Variants in THEMIS observed in about 807,000 individuals in gnomAD.
THEMIS encodes the protein thymocyte selection associated, also known as protein THEMIS.
Under a neutral mutation model 52.6 loss-of-function variants are expected in THEMIS, and 37 were observed. The ratio of observed to expected loss-of-function variants is 0.70; its 90% CI spans 0.54 to 0.93. THEMIS has a LOEUF of 0.93. THEMIS is among the 40% of genes least tolerant of loss of function. The pLI, the probability that THEMIS is intolerant of heterozygous loss-of-function variation, is 0.00. For synonymous variants in THEMIS, 292 were observed against 272.7 expected, an observed-to-expected ratio of 1.07 and a Z score of -0.70; for missense variants, 808 against 763.1, an observed-to-expected ratio of 1.06 and a Z score of -0.69.
intron 4 of THEMIS, among the ~76,000 whole-genome samples, chr6:127,792,903 A>C (rs1490986255): frequency 6.6e-6 from 1 of 152,200 alleles, no homozygotes; most frequent in Non-Finnish European, 1.5e-5. Flanking sequence ...AAGCCTGGTC[A>C]TGATGTCAAA....
upstream of THEMIS, among the ~76,000 whole-genome samples, chr6:127,903,227 A>G (rs967681125): frequency 6.6e-6 from 1 of 152,032 alleles, no homozygotes; most frequent in Non-Finnish European, 1.5e-5. Context: ...ACTGCTTTAG[A>G]CCAGATCGTA....
intron 1 of THEMIS, among the ~76,000 whole-genome samples, chr6:127,916,850 A>G (rs927548829): frequency 1.3e-5 from 2 of 152,188 alleles, no homozygotes; most frequent in Non-Finnish European, 1.5e-5. Context: ...GAGTCAGAGG[A>G]CAAGCTATTA....
rs138983547 is a variant in THEMIS, at chr6:127,803,557, C to G, written c.1758+9326G>C. On this transcript the variant is annotated intron_variant, in intron 4 of 5. Coordinates refer to ENST00000368248, the MANE Select transcript of THEMIS (RefSeq NM_001010923.3). Reference sequence around the variant, plus strand: ...TCTCTGGATCTTATATTATCACCTACTCAATATGGTATTCAAATTAATAGT... The same window carrying G: ...TCTCTGGATCTTATATTATCACCTAGTCAATATGGTATTCAAATTAATAGT... 4.4e-3 allele frequency among the ~76,000 whole-genome samples: 667 copies of G among 152,256 alleles called. 6 individuals are homozygous for G. The highest frequency in any genetic ancestry group is 0.015 in the African/African-American group (634 of 41,560).
intron 1 of THEMIS, among the ~76,000 whole-genome samples, chr6:127,873,939 C>T (rs566375627): frequency 2.7e-4 from 41 of 152,310 alleles, no homozygotes; most frequent in African/African-American, 9.6e-4. Flanking sequence ...TGGTGGGCAG[C>T]CATGGCTGCA....
chr6:127,828,702 C>T (rs1778591596), intron 3 of THEMIS, among the ~76,000 whole-genome samples: 1 of 152,178 alleles, frequency 6.6e-6, no homozygotes, highest in South Asian at 2.1e-4. Flanking sequence ...CACCTGTAAT[C>T]CCAGCACTTT....
At chr6:127,875,085 G>GT (rs2114400194) in intron 1 of THEMIS, among the ~76,000 whole-genome samples, 1 of 152,340 alleles carries the variant, frequency 6.6e-6, no homozygotes, top group East Asian at 1.9e-4. Flanking sequence ...GATAAATGTA[G>GT]TGTGTACTTG....
intron 1 of THEMIS, among the ~76,000 whole-genome samples, chr6:127,914,116 A>G (rs1781469213): frequency 2.0e-5 from 3 of 152,200 alleles, no homozygotes; most frequent in Admixed American, 2.0e-4. Context: ...ATTTTATACA[A>G]TATTTTTAAT....
At chr6:127,889,815 A>G (rs975773674) in intron 1 of THEMIS, among the ~76,000 whole-genome samples, 12 of 152,254 alleles carry the variant, frequency 7.9e-5, no homozygotes, top group Admixed American at 7.9e-4. Context: ...ATACTACAAC[A>G]TAATGCAGGT....
intron 4 of THEMIS, among the ~76,000 whole-genome samples, chr6:127,725,601 A>AT (rs1305909619): frequency 2.0e-5 from 3 of 152,230 alleles, no homozygotes; most frequent in East Asian, 3.9e-4. Flanking sequence ...AGAGGCAAAT[A>AT]TTTTTTTAAA....
At chr6:127,850,803 G>T (rs1779396065) in intron 2 of THEMIS, among the ~76,000 whole-genome samples, 2 of 151,460 alleles carry the variant, frequency 1.3e-5, no homozygotes, top group African/African-American at 4.8e-5. Flanking sequence ...CTTTGTTGGT[G>T]GGTGCACTAA....
intron 1 of THEMIS, among the ~76,000 whole-genome samples, chr6:127,898,667 G>T (rs1051605014): frequency 1.3e-5 from 2 of 151,590 alleles, no homozygotes; most frequent in South Asian, 4.1e-4. Flanking sequence ...CAAAAGAAAA[G>T]ATATCAATAT....
At chr6:127,911,117 C>T (rs1255945270) in intron 1 of THEMIS, among the ~76,000 whole-genome samples, 2 of 151,306 alleles carry the variant, frequency 1.3e-5, no homozygotes, top group Admixed American at 1.3e-4. Context: ...TATAGACTAT[C>T]AACATAATCT....
intron 3 of THEMIS, among the ~76,000 whole-genome samples, chr6:127,816,385 A>C (rs1173958416): frequency 2.6e-5 from 4 of 152,134 alleles, no homozygotes; most frequent in African/African-American, 9.7e-5. Context: ...TCCTGAATGC[A>C]GTATGTCTAC....
intron 4 of THEMIS, among the ~76,000 whole-genome samples, chr6:127,734,013 A>C (rs571078630): frequency 1.3e-5 from 2 of 152,200 alleles, no homozygotes; most frequent in East Asian, 3.9e-4. Flanking sequence ...AATCATTTCT[A>C]CTCCTGTTCA....
At chr6:127,894,742 G>A (rs1780912433) in intron 1 of THEMIS, among the ~76,000 whole-genome samples, 1 of 151,366 alleles carries the variant, frequency 6.6e-6, no homozygotes, top group South Asian at 2.1e-4. Context: ...TCATCCAGGA[G>A]CACTCTAACA....
intron 3 of THEMIS, among the ~76,000 whole-genome samples, chr6:127,827,670 T>C (rs6901443): frequency 0.53 from 81,030 of 151,866 alleles, 21,972 homozygotes; most frequent in African/African-American, 0.63. Context: ...AGTTTGGCTT[T>C]TTTCCCCTTC....
intron 1 of THEMIS, among the ~76,000 whole-genome samples, chr6:127,864,154 T>C (rs988714321): frequency 2.0e-5 from 3 of 151,948 alleles, no homozygotes; most frequent in African/African-American, 7.3e-5. Context: ...CATATGAATA[T>C]AAGAGTCAAA....
At chr6:127,803,347 G>A (rs1777599343) in intron 4 of THEMIS, among the ~76,000 whole-genome samples, 1 of 152,102 alleles carries the variant, frequency 6.6e-6, no homozygotes. Flanking sequence ...TTGTCATTGA[G>A]TAGGCAGTGT....
At chr6:127,736,563 T>C (rs1775013148) in intron 4 of THEMIS, among the ~76,000 whole-genome samples, 1 of 152,182 alleles carries the variant, frequency 6.6e-6, no homozygotes, top group South Asian at 2.1e-4. Context: ...GATCTAGCAT[T>C]ATCATTTGCC....
Sources: gnomAD v4.1 joint callset for allele counts (sites outside exome capture counted in the v4.1 genomes callset) on GRCh38, gnomAD v4.1.1 for gene constraint, MANE v1.5 for transcripts, NCBI Gene and HGNC (gene_info 2026-07-23, HGNC 2026-07-21) for gene names.